The following COMMD1 variants were observed in gnomAD, a reference collection of about 807,000 sequenced individuals.
The protein encoded by COMMD1 is COMM domain-containing protein 1.
In COMMD1, 10 loss-of-function variants were observed where a neutral mutation model predicts 17.2. That is an observed-to-expected ratio of 0.58 (90% CI 0.36 to 0.99). The LOEUF (loss-of-function observed/expected upper bound fraction) is 0.99, where lower values mean the gene tolerates loss of function less well. Among genes scored for constraint, COMMD1 ranks in the 50% least tolerant of loss-of-function variants. The pLI is 0.01. For missense variants in COMMD1, 270 were observed against 231.8 expected (o/e 1.17, Z -1.07); for synonymous variants, 97 against 91.6 (o/e 1.06, Z -0.34).
At chr2:61,993,988 C>T (rs1374474989) in intron 1 of COMMD1, among the ~76,000 whole-genome samples, 1 of 151,722 alleles carries the variant, frequency 6.6e-6, no homozygotes, top group African/African-American at 2.4e-5. Flanking sequence ...TTCCTTCTTT[C>T]CTTCTTTCTT....
intron 2 of COMMD1, among the ~76,000 whole-genome samples, chr2:62,020,534 A>G (rs576075992): frequency 6.6e-6 from 1 of 152,344 alleles, no homozygotes; most frequent in Admixed American, 6.5e-5. Flanking sequence ...CTTTCAGTCG[A>G]AATGGGCAGT....
At chr2:61,904,790 GT>G (rs539282838), upstream of COMMD1, among the ~76,000 whole-genome samples, 44 of 152,298 alleles carry the variant, frequency 2.9e-4, no homozygotes, top group African/African-American at 1.0e-3. Flanking sequence ...CTTCCGGAAT[GT>G]TTTCATCATG....
At chr2:61,930,254 A>G (rs1025827830) in intron 1 of COMMD1, among the ~76,000 whole-genome samples, 1 of 152,104 alleles carries the variant, frequency 6.6e-6, no homozygotes, top group African/African-American at 2.4e-5. Flanking sequence ...TCTCTAAGAG[A>G]GTGATCCAAA....
At chr2:61,900,869 A>C (rs1669641538), upstream of COMMD1, among the ~76,000 whole-genome samples, 1 of 152,246 alleles carries the variant, frequency 6.6e-6, no homozygotes. Context: ...CAGATTCTGA[A>C]AGCATCTAGT....
intron 2 of COMMD1, among the ~76,000 whole-genome samples, chr2:62,083,040 C>A (rs1671569198): frequency 6.6e-6 from 1 of 152,192 alleles, no homozygotes; most frequent in African/African-American, 2.4e-5. Flanking sequence ...AGGAAAATGG[C>A]TTGAGCCCAG....
intron 1 of COMMD1, among the ~76,000 whole-genome samples, chr2:61,938,956 T>A (rs768372615): frequency 5.3e-5 from 8 of 152,170 alleles, no homozygotes; most frequent in Non-Finnish European, 1.2e-4. Flanking sequence ...AGAGGATTAT[T>A]GTAGCCAAGA....
intron 1 of COMMD1, among the ~76,000 whole-genome samples, chr2:61,974,535 T>C (rs1208733006): frequency 3.3e-5 from 5 of 151,900 alleles, no homozygotes; most frequent in South Asian, 2.1e-4. Context: ...TAGCTGGGCA[T>C]GGTGGCAGGC....
chr2:62,005,896 G>A (rs562339584), intron 2 of COMMD1, among the ~76,000 whole-genome samples: 34 of 151,360 alleles, frequency 2.2e-4, no homozygotes, highest in African/African-American at 7.0e-4. Context: ...ACATGCACAC[G>A]TATGTTTACT....
At chr2:61,972,917 C>T (rs1167093555) in intron 1 of COMMD1, among the ~76,000 whole-genome samples, 5 of 152,082 alleles carry the variant, frequency 3.3e-5, no homozygotes, top group African/African-American at 4.8e-5. Context: ...GTGATCCGCC[C>T]GCTTCGGCCA....
chr2:62,068,620 C>CTTTTTTTTTTTT (rs67517468), intron 2 of COMMD1, among the ~76,000 whole-genome samples: 1 of 89,240 alleles, frequency 1.1e-5, no homozygotes, highest in Non-Finnish European at 2.1e-5. Flanking sequence ...GTAGTATAAT[C>CTTTTTTTTTTTT]TTTTTTTTTT....
At chr2:61,961,929 T>C (rs1671352555) in intron 1 of COMMD1, among the ~76,000 whole-genome samples, 2 of 152,216 alleles carry the variant, frequency 1.3e-5, no homozygotes, top group Admixed American at 6.5e-5. Flanking sequence ...ATGATAATTA[T>C]AGGTCATATT....
intron 2 of COMMD1, among the ~76,000 whole-genome samples, chr2:62,052,170 G>T (rs1325043081): frequency 1.3e-5 from 2 of 152,108 alleles, no homozygotes; most frequent in East Asian, 1.9e-4. Context: ...ATAGAAATTG[G>T]CCCAGCACGG....
At chr2:61,935,492 A>T (rs2103620633) in intron 1 of COMMD1, among the ~76,000 whole-genome samples, 1 of 152,120 alleles carries the variant, frequency 6.6e-6, no homozygotes, top group East Asian at 1.9e-4. Flanking sequence ...GCTGGGCATG[A>T]TGGCAGGTGC....
chr2:61,938,346 G>A (rs771361213), intron 1 of COMMD1, among the ~76,000 whole-genome samples: 3 of 151,784 alleles, frequency 2.0e-5, no homozygotes, highest in African/African-American at 4.8e-5. Context: ...AGGGAAGGAA[G>A]CCTCAGATGG....
chr2:62,002,491 G>GAAAAAAAAAAAAAAAAAAAAAAAA (rs11310507), intron 2 of COMMD1, among the ~76,000 whole-genome samples: 1 of 35,072 alleles, frequency 2.9e-5, no homozygotes, highest in Non-Finnish European at 5.1e-5. Context: ...GATTCCACCA[G>GAAAAAAAAAAAAAAAAAAAAAAAA]AAAAAAAAAA....
intron 2 of COMMD1, among the ~76,000 whole-genome samples, chr2:62,027,626 GT>G (rs1669794080): frequency 4.9e-5 from 1 of 20,398 alleles, no homozygotes; most frequent in South Asian, 2.7e-3. Context: ...CTTAATTTAT[GT>G]TATGTTATGT....
At chr2:61,946,473 C>T (rs1670909375) in intron 1 of COMMD1, among the ~76,000 whole-genome samples, 1 of 151,976 alleles carries the variant, frequency 6.6e-6, no homozygotes, top group African/African-American at 2.4e-5. Flanking sequence ...GAAATTATTC[C>T]AATAAGACAC....
At chr2:62,041,274 A>T (rs777432182) in intron 2 of COMMD1, among the ~76,000 whole-genome samples, 2 of 152,162 alleles carry the variant, frequency 1.3e-5, no homozygotes, top group Non-Finnish European at 2.9e-5. Context: ...AAAAATCATG[A>T]ATCTCTTGAT....
chr2:61,916,483 G>A (rs987641255), intron 1 of COMMD1, among the ~76,000 whole-genome samples: 2 of 152,194 alleles, frequency 1.3e-5, no homozygotes, highest in African/African-American at 4.8e-5. Flanking sequence ...GTGCAATGGC[G>A]TGATCATAGC....
Sources: allele counts gnomAD v4.1 joint callset (sites outside exome capture counted in the v4.1 genomes callset), GRCh38; gene constraint gnomAD v4.1.1; transcripts MANE v1.5; gene names NCBI Gene and HGNC (gene_info 2026-07-23, HGNC 2026-07-21).